The following LBP variants were observed in gnomAD, a reference collection of about 807,000 sequenced individuals.
The protein encoded by LBP is lipopolysaccharide-binding protein.
In LBP, 53 loss-of-function variants were observed where a neutral mutation model predicts 56.6. The observed-to-expected ratio is 0.94, with a 90% CI of 0.75 to 1.18. The LOEUF is 1.18. Ranked by LOEUF, LBP falls within the 50% of genes most tolerant of loss-of-function variation. The probability of loss-of-function intolerance (pLI) is 0.00; values close to 1 mark genes in which losing one functional copy is unlikely to be tolerated. For missense variants in LBP, 601 were observed against 598.3 expected (o/e 1.00, Z -0.05); for synonymous variants, 227 against 247.5 (o/e 0.92, Z 0.78).
intron 5 of LBP, among the ~76,000 whole-genome samples, chr20:38,356,649 T>C (rs560284171): frequency 6.6e-6 from 1 of 152,206 alleles, no homozygotes; most frequent in Non-Finnish European, 1.5e-5. Context: ...TTGCTGTGCA[T>C]AACAATAGTA....
At chr20:38,360,810 AT>A in intron 6 of LBP, 43 bp downstream of exon 6, 2 of 1,439,382 alleles carry the variant, frequency 1.4e-6, no homozygotes, top group Non-Finnish European at 2.0e-6. Flanking sequence ...ATTTCTGTTA[AT>A]TTCTATAAGA....
chr20:38,369,102 G>T lies in LBP; in HGVS notation c.1089G>T (p.Glu363Asp). 6.2e-7 allele frequency: 1 copy of T among 1,614,182 alleles called. No homozygotes were observed. The highest frequency in any genetic ancestry group is 8.5e-7 in the Non-Finnish European group (1 of 1,180,022). The change falls in exon 10 of 15, where the codon GAG becomes GAT. Residue 363 changes from glutamate to aspartate, a missense_variant. By Grantham distance (45) the Glu-to-Asp change is conservative. Coordinates refer to ENST00000217407, the MANE Select transcript of LBP (RefSeq NM_004139.5). Reference sequence around the variant, plus strand: ...ATCTGTCTGTGGACCCCTATATGGAGATAGATGCCTTTGTGCTCCTGCCCA... The same window carrying T: ...ATCTGTCTGTGGACCCCTATATGGATATAGATGCCTTTGTGCTCCTGCCCA... Reference protein sequence around the residue: ...PGNLSVDPYMEIDAFVLLPSS... With the variant: ...PGNLSVDPYMDIDAFVLLPSS...
Position 38,366,753 on chromosome 20 carries a change from T to G in LBP, c.922-16T>G, listed in dbSNP as rs1350853420. On this transcript the variant is annotated splice_polypyrimidine_tract_variant and intron_variant, in intron 8 of 14. Transcript: ENST00000217407. ...GCGGGAGCACCCTAAAACTTCTTCA[T>G]GTCTCTTTGCTGCAGATACCGCCTG... is the stretch of plus-strand genomic sequence containing the variant. 1 of 1,613,826 alleles carries G rather than the reference T, an allele frequency of 6.2e-7. No homozygotes were observed. The highest frequency in any genetic ancestry group is 1.1e-5 in the South Asian group (1 of 91,074).
At chr20:38,348,782 A>AGTTTC (rs1397467873) in intron 1 of LBP, among the ~76,000 whole-genome samples, 1 of 131,176 alleles carries the variant, frequency 7.6e-6, no homozygotes, top group Non-Finnish European at 1.6e-5. Context: ...AGTTTAGTTT[A>AGTTTC]GTTTAGTTTT....
chr20:38,371,204 C>T (rs534941362), intron 11 of LBP, 76 bp from the exon 12 acceptor site: 1 of 1,207,488 alleles, frequency 8.3e-7, no homozygotes, highest in Non-Finnish European at 1.2e-6. Context: ...CCCATCCTTT[C>T]TCGCTTCTGG....
Position 38,355,373 on chromosome 20 carries a change from G to A in LBP, c.552G>A (p.Gln184=), listed in dbSNP as rs367837728. ...GGCTGTTGAACCTCTTCCACAACCA[G>A]ATTGAGTCCAAGTTCCAGAAAGTAC... ...LGWLLNLFHN[Q]IESKFQKVLE... The change falls in exon 5 of 15, where the codon CAG becomes CAA. Residue 184 remains glutamine, a synonymous_variant. Coordinates refer to ENST00000217407, the MANE Select transcript of LBP (RefSeq NM_004139.5). 1.2e-6 allele frequency: 2 copies of A among 1,613,824 alleles called. No individual in the cohort carries two copies. The highest frequency in any genetic ancestry group is 1.7e-6 in the Non-Finnish European group (2 of 1,179,986).
intron 3 of LBP, 21 bp from the exon 4 acceptor site, chr20:38,354,263 G>A (rs1427641701): frequency 2.5e-6 from 4 of 1,604,264 alleles, no homozygotes; most frequent in Non-Finnish European, 3.4e-6. Flanking sequence ...AACTAACCAT[G>A]GCTTCTCTTA....
chr20:38,356,449 CACACA>C (rs1568829280), intron 5 of LBP, among the ~76,000 whole-genome samples: 1 of 121,302 alleles, frequency 8.2e-6, no homozygotes. Context: ...CACACACACA[CACACA>C]CCCTCGTCTG....
intron 10 of LBP, among the ~76,000 whole-genome samples, chr20:38,369,850 A>C (rs2076895206): frequency 6.6e-6 from 1 of 152,158 alleles, no homozygotes; most frequent in Non-Finnish European, 1.5e-5. Flanking sequence ...TGCGTTAAAC[A>C]TTGAGAGTCA....
At chr20:38,349,685 G>A (rs746274739) in intron 2 of LBP, 23 bp downstream of exon 2, 32 of 1,513,792 alleles carry the variant, frequency 2.1e-5, no homozygotes, top group Admixed American at 7.4e-5. Flanking sequence ...CTTCTGCTGC[G>A]GCTCTGAAGT....
intron 8 of LBP, among the ~76,000 whole-genome samples, 185 bp downstream of exon 8, chr20:38,364,937 A>G (rs1470645834): frequency 6.6e-6 from 1 of 152,156 alleles, no homozygotes; most frequent in Non-Finnish European, 1.5e-5. Flanking sequence ...CTCAAAGCCA[A>G]AGTTCTTTCT....
At chr20:38,366,747 T>C in intron 8 of LBP, 22 bp from the exon 9 acceptor site, 1 of 1,613,278 alleles carries the variant, frequency 6.2e-7, no homozygotes, top group South Asian at 1.1e-5. Context: ...CCCTAAAACT[T>C]CTTCATGTCT....
Position 38,356,434 on chromosome 20 carries a change from A to G in LBP, c.588+1025A>G, listed in dbSNP as rs112382256. ...CACACACACGCGCACACACACACAC[A>G]CACACACACACACACACACACCCTC... On this transcript the variant is annotated intron_variant, in intron 5 of 14. Transcript: ENST00000217407. Among the ~76,000 whole-genome samples the G allele has an allele frequency of 7.7e-3, 893 of 115,950 alleles. 16 individuals are homozygous for G. The highest frequency in any genetic ancestry group is 0.04 in the Middle Eastern group (9 of 224). 76.1% of individuals were successfully genotyped at this position (115,950 alleles called of 152,430 possible).
intron 3 of LBP, among the ~76,000 whole-genome samples, chr20:38,353,144 T>G (rs1197348242): frequency 6.6e-6 from 1 of 152,228 alleles, no homozygotes; most frequent in Non-Finnish European, 1.5e-5. Flanking sequence ...TTTTTTCACT[T>G]TTTTGAATGT....
In LBP at chr20:38,348,025, G is replaced by C. The variant is rs201529323; in HGVS notation, c.124+1385G>C. Among the ~76,000 whole-genome samples the C allele has an allele frequency of 2.4e-4, 36 of 152,322 alleles. 1 individual carries two copies. In the East Asian group the frequency reaches 6.4e-3, roughly 27 times the overall value. ...TGGAAAAGACAGTGGGAATTACCCA[G>C]GGACAAGGGGTAGCGTTCCAGGCGG... is the stretch of plus-strand genomic sequence containing the variant. On this transcript the variant is annotated intron_variant, in intron 1 of 14. Coordinates refer to ENST00000217407, the MANE Select transcript of LBP (RefSeq NM_004139.5).
Position 38,373,189 on chromosome 20 carries a change from G to A in LBP, c.1324+54G>A, listed in dbSNP as rs1600731603. 5.4e-6 allele frequency: 8 copies of A among 1,494,854 alleles called. No individual in the cohort carries two copies. The East Asian group carries it at 1.8e-4, about 34-fold the overall frequency. The allele number at this position is 1,494,854 out of a possible 1,614,324, so 92.6% of individuals were successfully genotyped here. A position where few individuals can be genotyped will look rare whatever the true frequency, so the allele number is the denominator to read the frequency against. On this transcript the variant is annotated intron_variant, in intron 13 of 14. Coordinates refer to ENST00000217407, the MANE Select transcript of LBP (RefSeq NM_004139.5). ...CAAAAGTGAACACTGCTGTCTGGAG[G>A]AAAGAGAGTTGGACTTGGAAAACAG... is the stretch of plus-strand genomic sequence containing the variant.
At chr20:38,354,480 G>A (rs763677150) in intron 4 of LBP, 41 bp downstream of exon 4, 11 of 1,569,216 alleles carry the variant, frequency 7.0e-6, no homozygotes, top group Non-Finnish European at 9.5e-6. Flanking sequence ...ACTCCTGGTT[G>A]CAGCTCCCGG....
In LBP at chr20:38,350,876, G is replaced by A. The variant is rs769255898; in HGVS notation, c.305G>A (p.Ser102Asn). The change falls in exon 3 of 15, where the codon AGT becomes AAT. Residue 102 changes from serine to asparagine, a missense_variant. Coordinates refer to ENST00000217407, the MANE Select transcript of LBP (RefSeq NM_004139.5). ...ALRPVPGQGL[S>N]LSISDSSIRV... Reference sequence around the variant, plus strand: ...AGGCCTGTCCCTGGCCAGGGCCTGAGTCTCAGCATCTCCGACTCCTCCATC... The same window carrying A: ...AGGCCTGTCCCTGGCCAGGGCCTGAATCTCAGCATCTCCGACTCCTCCATC... The A allele has an allele frequency of 6.2e-7, 1 of 1,614,072 alleles. No homozygotes were observed. Among genetic ancestry groups the A allele is most frequent in the Non-Finnish European group, 8.5e-7 (1 of 1,179,942 alleles).
rs113037634 is a variant in LBP at position 38,366,774 on chromosome 20, G to A, written c.927G>A (p.Pro309=). 6 of 1,614,004 alleles carry A rather than the reference G, an allele frequency of 3.7e-6. No individual in the cohort carries two copies. The highest frequency in any genetic ancestry group is 1.7e-5 in the Admixed American group (1 of 60,018). The change falls in exon 9 of 15, where the codon CCG becomes CCA. Residue 309 remains proline (P), a synonymous_variant. Coordinates refer to ENST00000217407, the MANE Select transcript of LBP (RefSeq NM_004139.5). ...LNFSITDDMI[P]PDSNIRLTTK... is the part of the protein sequence containing the mutation. Reference sequence around the variant, plus strand: ...TTCATGTCTCTTTGCTGCAGATACCGCCTGACTCTAATATCCGACTGACCA... The same window carrying A: ...TTCATGTCTCTTTGCTGCAGATACCACCTGACTCTAATATCCGACTGACCA...
Sources: gnomAD v4.1 joint callset for allele counts (sites outside exome capture counted in the v4.1 genomes callset) on GRCh38, gnomAD v4.1.1 for gene constraint, MANE v1.5 for transcripts, NCBI Gene and HGNC (gene_info 2026-07-23, HGNC 2026-07-21) for gene names.